DTWD1: variants seen among roughly 807,000 people sequenced by gnomAD.
DTWD1 encodes DTW motif tRNA-uridine aminocarboxypropyltransferase 1.
In DTWD1, 27 loss-of-function variants were observed where a neutral mutation model predicts 30.2. The observed-to-expected ratio is 0.90, with a 90% CI of 0.66 to 1.23. The LOEUF is 1.23. Among genes scored for constraint, DTWD1 ranks in the 50% most tolerant of loss-of-function variants. DTWD1 has a pLI of 0.00. For synonymous variants in DTWD1, 99 were observed against 113.1 expected, an observed-to-expected ratio of 0.88 and a Z score of 0.79; for missense variants, 342 against 348.8, an observed-to-expected ratio of 0.98 and a Z score of 0.15.
rs2079131921 is a variant in DTWD1 at position 49,648,179 on chromosome 15, T to C, written c.*4601T>C. ...TTTACAAAAAATAATGAGCATTAGG[T>C]AGATGGAATGAAAGTCTATTCATAC... On this transcript the variant is annotated 3_prime_UTR_variant, in exon 5 of 5. Coordinates refer to ENST00000403028, the MANE Select transcript of DTWD1 (RefSeq NM_001144955.2). 6.6e-6 allele frequency: 1 copy of C among 152,170 alleles called. No homozygotes were observed. Among genetic ancestry groups the C allele is most frequent in the Admixed American group, 6.5e-5 (1 of 15,270 alleles). The allele number at this position is 152,170 out of a possible 1,614,324, so 9.4% of individuals were successfully genotyped here. A position where few individuals can be genotyped will look rare whatever the true frequency, so the allele number is the denominator to read the frequency against.
At position 49,655,642 on chromosome 15, in the gene DTWD1, G is replaced by C. The variant is rs1347456555; in HGVS notation, c.*12064G>C. ...AAAAGATTATCTAGCCTACAGGGCCGATGAGGTATAGCTTGAAGTCATTCT... is the reference window on the plus strand; with the variant it reads ...AAAAGATTATCTAGCCTACAGGGCCCATGAGGTATAGCTTGAAGTCATTCT... On this transcript the variant is annotated 3_prime_UTR_variant, in exon 5 of 5. Transcript: ENST00000403028. 6.6e-6 allele frequency: 1 copy of C among 152,020 alleles called. No homozygotes were observed. The highest frequency in any genetic ancestry group is 1.5e-5 in the Non-Finnish European group (1 of 67,998). 9.4% of individuals were successfully genotyped at this position (152,020 alleles called of 1,614,324 possible). A position where few individuals can be genotyped will look rare whatever the true frequency, so the allele number is the denominator to read the frequency against.
chr15:49,631,199 C>G lies in DTWD1; in HGVS notation c.265-960C>G, dbSNP rs371042178. 13 of 164,516 alleles carry G rather than the reference C, an allele frequency of 7.9e-5. No homozygotes were observed. In the South Asian group the frequency reaches 1.7e-3, roughly 22 times the overall value. The allele number at this position is 164,516 out of a possible 1,614,324, so 10.2% of individuals were successfully genotyped here. A position where few individuals can be genotyped will look rare whatever the true frequency, so the allele number is the denominator to read the frequency against. On this transcript the variant is annotated intron_variant, in intron 2 of 4. Coordinates refer to ENST00000403028, the MANE Select transcript of DTWD1 (RefSeq NM_001144955.2). ...GTGGAAAAATTGTCTTCCACGAAAC[C>G]AGTCCTTCTTGGTGCCAGAAAGATT...
At chr15:49,633,637 G>C in intron 3 of DTWD1, 1 of 271,260 alleles carries the variant, frequency 3.7e-6, no homozygotes, top group South Asian at 3.1e-5. Flanking sequence ...GCCCGGCCAA[G>C]ATTTTTTGTT....
At chr15:49,642,918 T>C (rs766143264) in intron 4 of DTWD1, among the ~76,000 whole-genome samples, 60 of 152,162 alleles carry the variant, frequency 3.9e-4, no homozygotes, top group Admixed American at 6.6e-4. Flanking sequence ...GAGTGAGACC[T>C]CATCTCTAAA....
chr15:49,645,309 A>G lies in DTWD1; in HGVS notation c.*1731A>G, dbSNP rs2079110249. 1 of 152,170 alleles carries G rather than the reference A, an allele frequency of 6.6e-6. No homozygotes were observed. Among genetic ancestry groups the G allele is most frequent in the Admixed American group, 6.5e-5 (1 of 15,280 alleles). 9.4% of individuals were successfully genotyped at this position (152,170 alleles called of 1,614,324 possible). ...ATAGATCATACACCTAGTTAGTAGCAGAGCCTGTTCTAGAATCTGGAACTT... is the reference window on the plus strand; with the variant it reads ...ATAGATCATACACCTAGTTAGTAGCGGAGCCTGTTCTAGAATCTGGAACTT... On this transcript the variant is annotated 3_prime_UTR_variant, in exon 5 of 5. Transcript: ENST00000403028.
chr15:49,640,956 G>T (rs1406630834), intron 4 of DTWD1, among the ~76,000 whole-genome samples: 2 of 152,000 alleles, frequency 1.3e-5, no homozygotes, highest in African/African-American at 2.4e-5. Context: ...TGTGGCTAAT[G>T]ATTTGCCTGA....
At chr15:49,628,484 A>C (rs1227047650) in intron 2 of DTWD1, among the ~76,000 whole-genome samples, 1 of 152,212 alleles carries the variant, frequency 6.6e-6, no homozygotes, top group Non-Finnish European at 1.5e-5. Context: ...CAAGCATATA[A>C]GTACTGCACT....
chr15:49,635,977 C>T (rs1231060180), intron 4 of DTWD1, among the ~76,000 whole-genome samples: 1 of 152,120 alleles, frequency 6.6e-6, no homozygotes, highest in East Asian at 1.9e-4. Context: ...CTTTCTCATC[C>T]AGCTTTCCCC....
At chr15:49,629,350 T>TA (rs879398105) in intron 2 of DTWD1, among the ~76,000 whole-genome samples, 3 of 152,108 alleles carry the variant, frequency 2.0e-5, no homozygotes, top group Non-Finnish European at 2.9e-5. Flanking sequence ...ATCATATAAT[T>TA]AAAAAAATAG....
chr15:49,625,430 A>ATC lies in DTWD1; in HGVS notation c.263_264insTC (p.Lys88AsnfsTer5). 6.2e-7 allele frequency: 1 copy of ATC among 1,604,590 alleles called. No individual in the cohort carries two copies. The highest frequency in any genetic ancestry group is 8.5e-7 in the Non-Finnish European group (1 of 1,175,104). On this transcript the variant is annotated frameshift_variant and splice_region_variant, in exon 2 of 5. Transcript: ENST00000403028. LOFTEE classifies it high-confidence loss of function. ...CCTATTGAACAGATTCCACTTGTGA[A>ATC]GGTTAGTAAGAAATTTAATTGTTTG...
In DTWD1 at chr15:49,625,432, G is replaced by A; in HGVS notation, c.264+1G>A. 6.2e-7 allele frequency: 1 copy of A among 1,603,580 alleles called. No homozygotes were observed. Among genetic ancestry groups the A allele is most frequent in the Non-Finnish European group, 8.5e-7 (1 of 1,174,534 alleles). On this transcript the variant is annotated splice_donor_variant, in intron 2 of 4. Coordinates refer to ENST00000403028, the MANE Select transcript of DTWD1 (RefSeq NM_001144955.2). LOFTEE classifies it high-confidence loss of function. ...TATTGAACAGATTCCACTTGTGAAG[G>A]TTAGTAAGAAATTTAATTGTTTGAA...
At chr15:49,628,989 TC>T (rs2153351856) in intron 2 of DTWD1, among the ~76,000 whole-genome samples, 1 of 152,000 alleles carries the variant, frequency 6.6e-6, no homozygotes, top group East Asian at 1.9e-4. Context: ...CTCCCCTAGC[TC>T]CCCACCCCCA....
rs955142070 is a variant in DTWD1, at chr15:49,646,649, G to A, written c.*3071G>A. 16 of 152,188 alleles carry A rather than the reference G, an allele frequency of 1.1e-4. No individual in the cohort carries two copies. Among genetic ancestry groups the A allele is most frequent in the African/African-American group, 3.4e-4 (14 of 41,432 alleles). 9.4% of individuals were successfully genotyped at this position (152,188 alleles called of 1,614,324 possible). A position where few individuals can be genotyped will look rare whatever the true frequency, so the allele number is the denominator to read the frequency against. On this transcript the variant is annotated 3_prime_UTR_variant, in exon 5 of 5. Coordinates refer to ENST00000403028, the MANE Select transcript of DTWD1 (RefSeq NM_001144955.2). ...TGGGTAAATTGCTCTTCTTCTGATGGACTGTATAGAGACACTGTTTTTCAT... is the reference window on the plus strand; with the variant it reads ...TGGGTAAATTGCTCTTCTTCTGATGAACTGTATAGAGACACTGTTTTTCAT...
intron 2 of DTWD1, 170 bp downstream of exon 2, chr15:49,625,601 G>T: frequency 2.9e-6 from 2 of 686,900 alleles, no homozygotes. Flanking sequence ...TCTCAGCAGG[G>T]CACATTTACT....
Position 49,649,364 on chromosome 15 carries a change from A to G in DTWD1, c.*5786A>G, listed in dbSNP as rs1296911637. 6.6e-6 allele frequency: 1 copy of G among 152,186 alleles called. No homozygotes were observed. The highest frequency in any genetic ancestry group is 1.5e-5 in the Non-Finnish European group (1 of 68,038). The allele number at this position is 152,186 out of a possible 1,614,324, so 9.4% of individuals were successfully genotyped here. ...GTATTACCTCCCATATATTCTTGAGATAAAGATGCTTAGGAGAATACTGAA... is the reference window on the plus strand; with the variant it reads ...GTATTACCTCCCATATATTCTTGAGGTAAAGATGCTTAGGAGAATACTGAA... On this transcript the variant is annotated 3_prime_UTR_variant, in exon 5 of 5. Coordinates refer to ENST00000403028, the MANE Select transcript of DTWD1 (RefSeq NM_001144955.2).
At position 49,650,493 on chromosome 15, in the gene DTWD1, A is replaced by G. The variant is rs186893254; in HGVS notation, c.*6915A>G. On this transcript the variant is annotated 3_prime_UTR_variant, in exon 5 of 5. Transcript: ENST00000403028. ...AAGATCCTGCATGTATTTTTAAGGT[A>G]GAGCCAGTATTTGCAGATAGTTTAG... is the stretch of plus-strand genomic sequence containing the variant. 3 of 152,252 alleles carry G rather than the reference A, an allele frequency of 2.0e-5. No homozygotes were observed. In the East Asian group the frequency reaches 5.8e-4, roughly 29 times the overall value. The allele number at this position is 152,252 out of a possible 1,614,324, so 9.4% of individuals were successfully genotyped here. A position where few individuals can be genotyped will look rare whatever the true frequency, so the allele number is the denominator to read the frequency against.
At position 49,650,848 on chromosome 15, in the gene DTWD1, C is replaced by G. The variant is rs998267165; in HGVS notation, c.*7270C>G. ...AAAGGTGACACTTTCTAATAAACAT[C>G]TTACACCCCAAACTCCATCTCAGCA... On this transcript the variant is annotated 3_prime_UTR_variant, in exon 5 of 5. Transcript: ENST00000403028. 2.0e-5 allele frequency: 3 copies of G among 152,168 alleles called. No homozygotes were observed. The highest frequency in any genetic ancestry group is 4.4e-5 in the Non-Finnish European group (3 of 68,040). The allele number at this position is 152,168 out of a possible 1,614,324, so 9.4% of individuals were successfully genotyped here.
chr15:49,650,600 A>G lies in DTWD1; in HGVS notation c.*7022A>G, dbSNP rs1467745916. 1.3e-5 allele frequency: 2 copies of G among 152,172 alleles called. No homozygotes were observed. The highest frequency in any genetic ancestry group is 4.8e-5 in the African/African-American group (2 of 41,428). The allele number at this position is 152,172 out of a possible 1,614,324, so 9.4% of individuals were successfully genotyped here. ...CTAATTAGCTGCAGGGAGTGTGAAG[A>G]ACAGAAATCCACCAGTATCAGCACT... On this transcript the variant is annotated 3_prime_UTR_variant, in exon 5 of 5. Coordinates refer to ENST00000403028, the MANE Select transcript of DTWD1 (RefSeq NM_001144955.2).
At chr15:49,641,565 T>C (rs904255882) in intron 4 of DTWD1, among the ~76,000 whole-genome samples, 1 of 152,144 alleles carries the variant, frequency 6.6e-6, no homozygotes, top group East Asian at 1.9e-4. Flanking sequence ...ACCATTTTCT[T>C]TACTCAGTGT....
Sources: allele counts gnomAD v4.1 joint callset (sites outside exome capture counted in the v4.1 genomes callset), GRCh38; gene constraint gnomAD v4.1.1; transcripts MANE v1.5; gene names NCBI Gene and HGNC (gene_info 2026-07-23, HGNC 2026-07-21).